DNMT1: variants seen among roughly 807,000 people sequenced by gnomAD.
The protein encoded by DNMT1 is DNA methyltransferase 1.
Under a neutral mutation model 205.3 loss-of-function variants are expected in DNMT1, and 24 were observed. The ratio of observed to expected loss-of-function variants is 0.12; its 90% CI spans 0.08 to 0.16. The LOEUF (loss-of-function observed/expected upper bound fraction) is 0.16. Among genes scored for constraint, DNMT1 ranks in the 10% least tolerant of loss-of-function variants. The pLI, the probability that DNMT1 is intolerant of heterozygous loss-of-function variation, is 1.00. For missense variants in DNMT1, 1,293 were observed against 2,177.7 expected (o/e 0.59, Z 8.09); for synonymous variants, 817 against 839.8 (o/e 0.97, Z 0.47).
At chr19:10,153,808 A>C (rs1312935494) in intron 22 of DNMT1, among the ~76,000 whole-genome samples, 1 of 152,204 alleles carries the variant, frequency 6.6e-6, no homozygotes, top group East Asian at 1.9e-4. Flanking sequence ...GTCTTTATCC[A>C]AAAGAAAGTC....
At chr19:10,191,842 T>A (rs1224228071) in intron 1 of DNMT1, among the ~76,000 whole-genome samples, 42 of 143,394 alleles carry the variant, frequency 2.9e-4, no homozygotes, top group Admixed American at 7.7e-4. Flanking sequence ...AAAAAAAAAA[T>A]TTTTTTTTTT....
chr19:10,174,736 C>CA (rs1018339312), intron 7 of DNMT1, among the ~76,000 whole-genome samples: 11 of 149,356 alleles, frequency 7.4e-5, no homozygotes, highest in South Asian at 4.3e-4. Flanking sequence ...ACAACAACAA[C>CA]AAAAAAAACA....
chr19:10,141,221 G>A, intron 30 of DNMT1, 32 bp from the exon 31 acceptor site: 1 of 1,606,548 alleles, frequency 6.2e-7, no homozygotes, highest in Non-Finnish European at 8.5e-7. Flanking sequence ...TCGTTTGGGA[G>A]AGAAACGCAC....
intron 28 of DNMT1, chr19:10,144,258 A>C: frequency 2.4e-6 from 1 of 411,298 alleles, no homozygotes; most frequent in Non-Finnish European, 4.6e-6. Context: ...AAATACAAAA[A>C]TTAGCCGGGT....
chr19:10,144,425 A>G, intron 28 of DNMT1: 1 of 241,550 alleles, frequency 4.1e-6, no homozygotes, highest in South Asian at 5.4e-5. Flanking sequence ...AAAAAAAAAA[A>G]GATTTAGCTG....
In DNMT1 at chr19:10,156,192, T is replaced by C. The variant is rs890612661; in HGVS notation, c.1399+199A>G. 2.0e-5 allele frequency among the ~76,000 whole-genome samples: 3 copies of C among 150,642 alleles called. No individual in the cohort carries two copies. Among genetic ancestry groups the C allele is most frequent in the South Asian group, 2.1e-4 (1 of 4,814 alleles). The stretch of plus-strand genomic sequence containing the variant: ...ATTTATACATATATATAAGTATATA[T>C]GTATACTATATATATATGCTATATA... On this transcript the variant is annotated intron_variant, in intron 18 of 40. Coordinates refer to ENST00000359526, the MANE Select transcript of DNMT1 (RefSeq NM_001130823.3). This position sits in a 1 kb window ranked among gnomAD's most constrained non-coding sequence, Gnocchi z 4.2.
At chr19:10,193,665 CAAAA>C (rs35583463) in intron 1 of DNMT1, among the ~76,000 whole-genome samples, 2 of 106,110 alleles carry the variant, frequency 1.9e-5, no homozygotes, top group African/African-American at 3.5e-5. Flanking sequence ...ACCCAGCCTT[CAAAA>C]AAAAAAAAAA....
intron 9 of DNMT1, among the ~76,000 whole-genome samples, chr19:10,171,666 A>C (rs959885078): frequency 1.3e-5 from 2 of 151,920 alleles, no homozygotes; most frequent in Non-Finnish European, 2.9e-5. Context: ...TTAGCCGGGC[A>C]TGGTGGCAGG....
chr19:10,193,607 T>C (rs2039343255), intron 1 of DNMT1, among the ~76,000 whole-genome samples: 1 of 140,352 alleles, frequency 7.1e-6, no homozygotes, highest in Admixed American at 7.7e-5. Context: ...AAGAGATTCG[T>C]CCGCCACTGC....
chr19:10,165,852 G>A (rs2038679939), intron 11 of DNMT1, among the ~76,000 whole-genome samples: 1 of 152,212 alleles, frequency 6.6e-6, no homozygotes. Context: ...AGGGATGGGA[G>A]GCTGGAGGCA....
chr19:10,172,714 C>T (rs2038847798), intron 9 of DNMT1, among the ~76,000 whole-genome samples: 1 of 151,956 alleles, frequency 6.6e-6, no homozygotes, highest in Non-Finnish European at 1.5e-5. Flanking sequence ...ACTCAAGAGG[C>T]TGGGACATGA....
In DNMT1 at chr19:10,136,178, G is replaced by A. The variant is rs145860233; in HGVS notation, c.4599C>T (p.Leu1533=). The A allele has an allele frequency of 5.4e-4, 874 of 1,614,108 alleles. 2 individuals carry two copies. In the African/African-American group the frequency reaches 0.01, roughly 19 times the overall value. ...TTGTGCTGAAGAAGCCGTCCCACTCGAGCCTTCCATAGAGGCCAGCCCAGT... is the reference window on the plus strand; with the variant it reads ...TTGTGCTGAAGAAGCCGTCCCACTCAAGCCTTCCATAGAGGCCAGCCCAGT... ...HNHWAGLYGR[L]EWDGFFSTTV... is the part of the protein sequence containing the mutation. Residue 1533 remains leucine, a synonymous_variant, in exon 38 of 41, where the codon CTC becomes CTT. Coordinates refer to ENST00000359526, the MANE Select transcript of DNMT1 (RefSeq NM_001130823.3).
Position 10,146,619 on chromosome 19 carries a change from C to T in DNMT1, c.2721-95G>A, listed in dbSNP as rs779375206. ...AGCTTAATCCAGAGACTCTGGTAAC[C>T]AAGAGGAAAAAACATTTGCAGATGC... is the stretch of plus-strand genomic sequence containing the variant. On this transcript the variant is annotated intron_variant, in intron 27 of 40. Coordinates refer to ENST00000359526, the MANE Select transcript of DNMT1 (RefSeq NM_001130823.3). The surrounding 1 kb of genome is among the most constrained non-coding windows in gnomAD (Gnocchi z 4.4). 8 of 1,513,768 alleles carry T rather than the reference C, an allele frequency of 5.3e-6. No homozygotes were observed. The highest frequency in any genetic ancestry group is 7.2e-6 in the Non-Finnish European group (8 of 1,110,230). 93.8% of individuals were successfully genotyped at this position (1,513,768 alleles called of 1,614,324 possible).
At chr19:10,158,718 G>C (rs2038506985) in intron 17 of DNMT1, among the ~76,000 whole-genome samples, 1 of 152,156 alleles carries the variant, frequency 6.6e-6, no homozygotes, top group Non-Finnish European at 1.5e-5. Context: ...AGGAGAGTCA[G>C]TGCTGAGGCC....
In DNMT1 at chr19:10,146,441, C is replaced by A; in HGVS notation, c.2804G>T (p.Ser935Ile). ...RVLEQLEDLDSRVLYYSATKN... is the reference protein window; with the variant it reads ...RVLEQLEDLDIRVLYYSATKN... ...GGTGGCTGAGTAGTAGAGGACCCGG[C>A]TATCCAGGTCCTCGAGCTGCTCCAG... The change falls in exon 28 of 41, where the codon AGC (serine) becomes ATC (isoleucine). Residue 935 changes from serine (S) to isoleucine (I), a missense_variant. Ser to Ile is a moderately radical substitution (Grantham distance 142). Around this residue, in one of 13 missense-constraint regions of DNMT1, gnomAD observed 112 missense variants for 116.6 expected, o/e 0.96. Transcript: ENST00000359526. This position sits in a 1 kb window ranked among gnomAD's most constrained non-coding sequence, Gnocchi z 4.4. 6.2e-7 allele frequency: 1 copy of A among 1,614,158 alleles called. No individual in the cohort carries two copies. Among genetic ancestry groups the A allele is most frequent in the Non-Finnish European group, 8.5e-7 (1 of 1,180,034 alleles).
intron 1 of DNMT1, among the ~76,000 whole-genome samples, chr19:10,182,757 C>T (rs942332503): frequency 3.3e-5 from 5 of 151,378 alleles, no homozygotes; most frequent in Admixed American, 6.6e-5. Flanking sequence ...GCAACCCTCA[C>T]CTTCTGGGTT....
intron 3 of DNMT1, 101 bp downstream of exon 3, chr19:10,180,677 G>C: frequency 7.0e-7 from 1 of 1,432,758 alleles, no homozygotes; most frequent in Non-Finnish European, 9.7e-7. Flanking sequence ...ATCATCATCA[G>C]GCAATGAGGA....
chr19:10,134,336 A>C (rs1347728506), intron 39 of DNMT1, 29 bp from the exon 40 acceptor site: 1 of 1,606,740 alleles, frequency 6.2e-7, no homozygotes, highest in Admixed American at 1.7e-5. Flanking sequence ...GCAATGCCTG[A>C]TGTGGACACC....
At chr19:10,157,743 C>G (rs992317731) in intron 17 of DNMT1, among the ~76,000 whole-genome samples, 3 of 152,234 alleles carry the variant, frequency 2.0e-5, no homozygotes, top group South Asian at 2.1e-4. Context: ...GGTTGCAGCC[C>G]TGCCTCAGGA....
Sources: gnomAD v4.1 joint callset for allele counts (sites outside exome capture counted in the v4.1 genomes callset) on GRCh38, gnomAD v4.1.1 for gene constraint, gnomAD v4.1.1 regional missense constraint, Gnocchi (gnomAD v3.1) non-coding constraint, MANE v1.5 for transcripts, NCBI Gene and HGNC (gene_info 2026-07-23, HGNC 2026-07-21) for gene names.